PAK2: variants seen among roughly 807,000 people sequenced by gnomAD.
PAK2 encodes the protein serine/threonine-protein kinase PAK 2.
Under a neutral mutation model 65.9 loss-of-function variants are expected in PAK2, and 21 were observed. The ratio of observed to expected loss-of-function variants is 0.32; its 90% CI spans 0.23 to 0.46. The LOEUF is 0.46. Among genes scored for constraint, PAK2 ranks in the 20% least tolerant of loss-of-function variants. PAK2 has a pLI of 1.00. For synonymous variants in PAK2, 204 were observed against 219.7 expected, an observed-to-expected ratio of 0.93 and a Z score of 0.63; for missense variants, 324 against 642.6, an observed-to-expected ratio of 0.50 and a Z score of 5.36.
At chr3:196,771,670 C>T (rs995028621) in intron 1 of PAK2, among the ~76,000 whole-genome samples, 14 of 152,144 alleles carry the variant, frequency 9.2e-5, no homozygotes, top group East Asian at 1.9e-4. Flanking sequence ...GCAATTCTTC[C>T]GCCTCAGCCT....
chr3:196,797,335 C>T (rs867248039), intron 2 of PAK2, among the ~76,000 whole-genome samples: 8 of 151,986 alleles, frequency 5.3e-5, no homozygotes, highest in East Asian at 1.9e-4. Flanking sequence ...TGGTGGCAGG[C>T]GCATATAATC....
At chr3:196,816,831 A>G (rs35354537) in intron 11 of PAK2, among the ~76,000 whole-genome samples, 1 of 152,132 alleles carries the variant, frequency 6.6e-6, no homozygotes, top group Non-Finnish European at 1.5e-5. Flanking sequence ...GGAGTAGTTT[A>G]CCCCCACTTT....
At chr3:196,754,138 TTA>T (rs928927125) in intron 1 of PAK2, among the ~76,000 whole-genome samples, 49 of 152,322 alleles carry the variant, frequency 3.2e-4, no homozygotes, top group African/African-American at 1.1e-3. Flanking sequence ...TTAAATTATC[TTA>T]TCTCATCCTG....
chr3:196,816,348 G>C (rs1212044652), intron 11 of PAK2, among the ~76,000 whole-genome samples: 1 of 151,956 alleles, frequency 6.6e-6, no homozygotes, highest in African/African-American at 2.4e-5. Flanking sequence ...GAGGAAATAA[G>C]AACTCTTGAA....
At chr3:196,761,286 A>T (rs1364445179) in intron 1 of PAK2, among the ~76,000 whole-genome samples, 2 of 111,664 alleles carry the variant, frequency 1.8e-5, no homozygotes, top group African/African-American at 7.0e-5. Context: ...TGGTTTTCCT[A>T]GGCAGAGGAC....
At position 196,820,644 on chromosome 3, in the gene PAK2, C is replaced by T. The variant is rs1711613600; in HGVS notation, c.1350+77C>T. 2 of 747,578 alleles carry T rather than the reference C, an allele frequency of 2.7e-6. No homozygotes were observed. The highest frequency in any genetic ancestry group is 1.8e-5 in the African/African-American group (1 of 56,210). The allele number at this position is 747,578 out of a possible 1,614,324, so 46.3% of individuals were successfully genotyped here. A position where few individuals can be genotyped will look rare whatever the true frequency, so the allele number is the denominator to read the frequency against. On this transcript the variant is annotated intron_variant, in intron 13 of 14. Coordinates refer to ENST00000327134, the MANE Select transcript of PAK2 (RefSeq NM_002577.4). This position sits in a 1 kb window ranked among gnomAD's most constrained non-coding sequence, Gnocchi z 4.6. ...ATTTAGAACTTGCACGTGCCTGGCA[C>T]TGTCCAAGAATTTAAAGTAGAAGGT...
intron 1 of PAK2, among the ~76,000 whole-genome samples, chr3:196,770,050 G>A (rs1414231915): frequency 2.6e-5 from 4 of 151,978 alleles, no homozygotes; most frequent in Non-Finnish European, 5.9e-5. Flanking sequence ...GAGCTAAGGA[G>A]TTCAAGACCA....
intron 10 of PAK2, among the ~76,000 whole-genome samples, chr3:196,813,934 G>A (rs190560413): frequency 1.3e-5 from 2 of 152,226 alleles, no homozygotes; most frequent in East Asian, 1.9e-4. Flanking sequence ...TGGCAACAGA[G>A]CAAGACTCTG....
intron 2 of PAK2, among the ~76,000 whole-genome samples, chr3:196,786,142 AT>A (rs1393988945): frequency 6.6e-6 from 1 of 151,052 alleles, no homozygotes; most frequent in African/African-American, 2.4e-5. Flanking sequence ...TATTAATTTG[AT>A]ATGGTGGATT....
intron 12 of PAK2, among the ~76,000 whole-genome samples, chr3:196,819,980 A>C (rs1043995067): frequency 7.9e-5 from 12 of 152,318 alleles, no homozygotes; most frequent in African/African-American, 2.6e-4. Context: ...CTGTCTCTAC[A>C]AAAAATTTTA....
chr3:196,778,520 G>T lies in PAK2; in HGVS notation c.-21-4106G>T, dbSNP rs147110992. 6.3e-3 allele frequency among the ~76,000 whole-genome samples: 956 copies of T among 152,230 alleles called. 30 individuals carry two copies. The highest frequency in any genetic ancestry group is 0.047 in the Admixed American group (720 of 15,280). ...ATAATTTTAGATTTACAGATGAATT[G>T]CACAGATAGTAGATTTCCTGTATAC... On this transcript the variant is annotated intron_variant, in intron 1 of 14. Transcript: ENST00000327134.
At chr3:196,751,253 A>C (rs536194311) in intron 1 of PAK2, among the ~76,000 whole-genome samples, 2 of 152,146 alleles carry the variant, frequency 1.3e-5, no homozygotes, top group African/African-American at 4.8e-5. Flanking sequence ...AAAATCCGAA[A>C]TGCTCCAAAT....
At chr3:196,818,224 T>C in intron 12 of PAK2, 68 bp downstream of exon 12, 2 of 691,918 alleles carry the variant, frequency 2.9e-6, no homozygotes, top group South Asian at 3.4e-5. Context: ...ATTAAAAACT[T>C]TTCTTGACCA....
chr3:196,772,681 G>C (rs1030349021), intron 1 of PAK2, among the ~76,000 whole-genome samples: 2 of 151,732 alleles, frequency 1.3e-5, no homozygotes, highest in African/African-American at 4.9e-5. Context: ...AGTGTGTGTT[G>C]TCATCTTCAG....
chr3:196,747,640 CTG>C (rs1478323740), intron 1 of PAK2, among the ~76,000 whole-genome samples: 4 of 152,050 alleles, frequency 2.6e-5, no homozygotes, highest in African/African-American at 4.8e-5. Context: ...AGAACATTTT[CTG>C]TTGGTAATAT....
chr3:196,825,637 C>T (rs538325753), intron 13 of PAK2, among the ~76,000 whole-genome samples: 27 of 151,908 alleles, frequency 1.8e-4, no homozygotes, highest in Admixed American at 1.1e-3. Flanking sequence ...AGCCAGACTC[C>T]GTCTCAAAAA....
chr3:196,805,334 G>T lies in PAK2; in HGVS notation c.437-18G>T. 4 of 1,353,270 alleles carry T rather than the reference G, an allele frequency of 3.0e-6. No homozygotes were observed. Among genetic ancestry groups the T allele is most frequent in the Non-Finnish European group, 4.1e-6 (4 of 986,976 alleles). 83.8% of individuals were successfully genotyped at this position (1,353,270 alleles called of 1,614,324 possible). A position where few individuals can be genotyped will look rare whatever the true frequency, so the allele number is the denominator to read the frequency against. On this transcript the variant is annotated intron_variant, in intron 4 of 14. Transcript: ENST00000327134. The stretch of plus-strand genomic sequence containing the variant: ...CTGTTTCTTGAATTGCTAATGTTAT[G>T]TTTTGTTTCATATTCAGAGAAAGAT...
chr3:196,764,950 C>G (rs764151289), intron 1 of PAK2, among the ~76,000 whole-genome samples: 1 of 148,004 alleles, frequency 6.8e-6, no homozygotes, highest in Admixed American at 6.9e-5. Context: ...TCACGCCATT[C>G]TCCTGCCTCA....
At chr3:196,796,049 A>G (rs1297439939) in intron 2 of PAK2, among the ~76,000 whole-genome samples, 2 of 152,210 alleles carry the variant, frequency 1.3e-5, no homozygotes, top group Non-Finnish European at 2.9e-5. Context: ...GGCTCACGCT[A>G]TGCGGTCCAA....
Sources: allele counts gnomAD v4.1 joint callset (sites outside exome capture counted in the v4.1 genomes callset), GRCh38; gene constraint gnomAD v4.1.1; non-coding constraint Gnocchi (gnomAD v3.1); transcripts MANE v1.5; gene names NCBI Gene and HGNC (gene_info 2026-07-23, HGNC 2026-07-21).